The following TLL1 variants were observed in gnomAD, a reference collection of about 807,000 sequenced individuals.
TLL1 encodes tolloid like 1, also known as tolloid-like protein 1.
In TLL1, 49 loss-of-function variants were observed where a neutral mutation model predicts 128.2. That is an observed-to-expected ratio of 0.38 (90% CI 0.30 to 0.48). The LOEUF is 0.48. TLL1 is among the 20% of genes least tolerant of loss of function. The pLI, the probability that TLL1 is intolerant of heterozygous loss-of-function variation, is 0.96. For missense variants in TLL1, 1,123 were observed against 1,242.0 expected (o/e 0.90, Z 1.44); for synonymous variants, 454 against 418.8 (o/e 1.08, Z -1.03).
At chr4:165,976,632 A>C (rs1162112744) in intron 1 of TLL1, among the ~76,000 whole-genome samples, 1 of 152,224 alleles carries the variant, frequency 6.6e-6, no homozygotes, top group East Asian at 1.9e-4. Flanking sequence ...TAATTCTATT[A>C]GATATAAAGA....
intron 9 of TLL1, among the ~76,000 whole-genome samples, chr4:166,036,647 T>G (rs1402414798): frequency 2.0e-5 from 3 of 152,148 alleles, no homozygotes; most frequent in Non-Finnish European, 4.4e-5. Context: ...AAACCTATCT[T>G]TATTACATTT....
chr4:166,044,569 C>A (rs1307417124), intron 12 of TLL1: 1 of 771,400 alleles, frequency 1.3e-6, no homozygotes, highest in East Asian at 2.8e-5. Context: ...TGCTCCAGAC[C>A]ATTTTTTTTT....
intron 1 of TLL1, among the ~76,000 whole-genome samples, chr4:165,920,478 T>C (rs1164496643): frequency 6.6e-6 from 1 of 152,240 alleles, no homozygotes; most frequent in Non-Finnish European, 1.5e-5. Context: ...CAGTAAATTG[T>C]ATCAGAAAAT....
chr4:165,984,558 T>C (rs1048425945), intron 1 of TLL1, among the ~76,000 whole-genome samples: 7 of 151,972 alleles, frequency 4.6e-5, no homozygotes, highest in Non-Finnish European at 8.8e-5. Context: ...GACCTTCACA[T>C]GACATCATCT....
intron 1 of TLL1, among the ~76,000 whole-genome samples, chr4:165,945,238 C>A (rs1311262870): frequency 1.3e-5 from 2 of 151,304 alleles, no homozygotes; most frequent in East Asian, 3.9e-4. Flanking sequence ...GTGAATGGGA[C>A]AAAAATTGAG....
Position 165,967,784 on chromosome 4 carries a change from T to A in TLL1, c.170-21597T>A, listed in dbSNP as rs115949209. On this transcript the variant is annotated intron_variant, in intron 1 of 20. Transcript: ENST00000061240. ...GGGCAGAGTCAGTGGAATTTGATGA[T>A]TCACACTGAATATTGGATAGAGAAA... is the stretch of plus-strand genomic sequence containing the variant. Among the ~76,000 whole-genome samples the A allele has an allele frequency of 4.0e-3, 607 of 152,170 alleles. 4 individuals are homozygous for A. The highest frequency in any genetic ancestry group is 0.013 in the African/African-American group (550 of 41,530).
intron 1 of TLL1, among the ~76,000 whole-genome samples, chr4:165,946,283 A>G (rs931347107): frequency 1.3e-4 from 20 of 152,062 alleles, no homozygotes; most frequent in African/African-American, 3.9e-4. Context: ...AAAACAGCTG[A>G]GCCAAGACCG....
At position 165,957,231 on chromosome 4, in the gene TLL1, C is replaced by T. The variant is rs182145626; in HGVS notation, c.170-32150C>T. On this transcript the variant is annotated intron_variant, in intron 1 of 20. Transcript: ENST00000061240. ...TTACATTAGACAAAATGACTTTAAA[C>T]CAACAATAGTCAGTAAGGACAAAGA... Among the ~76,000 whole-genome samples, 318 of 152,066 alleles carry T rather than the reference C, an allele frequency of 2.1e-3. 4 individuals are homozygous for T. The highest frequency in any genetic ancestry group is 7.3e-3 in the African/African-American group (304 of 41,488).
intron 1 of TLL1, among the ~76,000 whole-genome samples, chr4:165,880,734 C>T (rs779581869): frequency 2.6e-5 from 4 of 152,122 alleles, no homozygotes; most frequent in South Asian, 2.1e-4. Context: ...TTTCCATTGA[C>T]GACATTTAAT....
chr4:166,007,880 C>T, intron 6 of TLL1, 63 bp from the exon 7 acceptor site: 1 of 1,019,240 alleles, frequency 9.8e-7, no homozygotes, highest in Non-Finnish European at 1.6e-6. Context: ...GTAGGAAAGG[C>T]CTTCTGGTCT....
chr4:165,883,680 A>G (rs1731055792), intron 1 of TLL1, among the ~76,000 whole-genome samples: 1 of 152,204 alleles, frequency 6.6e-6, no homozygotes, highest in African/African-American at 2.4e-5. Context: ...TTATTTGTGG[A>G]GAGATGATCT....
intron 1 of TLL1, among the ~76,000 whole-genome samples, chr4:165,941,201 A>G (rs1313261959): frequency 6.6e-6 from 1 of 152,076 alleles, no homozygotes; most frequent in East Asian, 1.9e-4. Context: ...ACTTCTGAAC[A>G]CAAAGAACTT....
At chr4:166,043,569 G>A in intron 12 of TLL1, 150 bp downstream of exon 12, 1 of 1,149,292 alleles carries the variant, frequency 8.7e-7, no homozygotes. Flanking sequence ...GCAACATCAA[G>A]AGCAAAAGGG....
At position 166,020,147 on chromosome 4, in the gene TLL1, CA is replaced by C. The variant is rs370179884; in HGVS notation, c.1043-5167del. ...CATTCATTGCCACATCACGTAGCCACAAGCAGGTGGGAAAGGAATGTAGAGC... is the reference window on the plus strand; with the variant it reads ...CATTCATTGCCACATCACGTAGCCACAGCAGGTGGGAAAGGAATGTAGAGC... On this transcript the variant is annotated intron_variant, in intron 8 of 20. Coordinates refer to ENST00000061240, the MANE Select transcript of TLL1 (RefSeq NM_012464.5). Among the ~76,000 whole-genome samples the C allele has an allele frequency of 8.4e-4, 128 of 152,262 alleles. 1 individual carries two copies. Among genetic ancestry groups the C allele is most frequent in the African/African-American group, 3.0e-3 (126 of 41,568 alleles).
At chr4:166,081,037 G>A (rs993737244) in intron 18 of TLL1, among the ~76,000 whole-genome samples, 1 of 152,064 alleles carries the variant, frequency 6.6e-6, no homozygotes. Context: ...TCTTGGTGTT[G>A]AGCTTTCTCA....
intron 1 of TLL1, among the ~76,000 whole-genome samples, chr4:165,988,978 T>G (rs1269192096): frequency 6.6e-6 from 1 of 152,150 alleles, no homozygotes; most frequent in Non-Finnish European, 1.5e-5. Flanking sequence ...GTTTAGTTGT[T>G]ACTGCTTTTC....
intron 1 of TLL1, among the ~76,000 whole-genome samples, chr4:165,894,649 G>T (rs1374018169): frequency 6.6e-6 from 1 of 152,102 alleles, no homozygotes; most frequent in Non-Finnish European, 1.5e-5. Flanking sequence ...GTTTATTGTG[G>T]AACAGAAGTT....
At chr4:166,050,256 T>A (rs1739648009) in intron 12 of TLL1, among the ~76,000 whole-genome samples, 1 of 151,772 alleles carries the variant, frequency 6.6e-6, no homozygotes, top group Non-Finnish European at 1.5e-5. Context: ...TCTGTCTCTA[T>A]GAATTAGAGA....
intron 1 of TLL1, among the ~76,000 whole-genome samples, chr4:165,907,329 T>C (rs1223602456): frequency 6.6e-6 from 1 of 152,172 alleles, no homozygotes; most frequent in East Asian, 1.9e-4. Context: ...TCATGATACA[T>C]TGAATCCAAA....
Sources: gnomAD v4.1 joint callset for allele counts (sites outside exome capture counted in the v4.1 genomes callset) on GRCh38, gnomAD v4.1.1 for gene constraint, MANE v1.5 for transcripts, NCBI Gene and HGNC (gene_info 2026-07-23, HGNC 2026-07-21) for gene names.